The following G3BP2 variants were observed in gnomAD, a reference collection of about 807,000 sequenced individuals.
G3BP2 encodes the protein ras GTPase-activating protein-binding protein 2.
Under a neutral mutation model 56.7 loss-of-function variants are expected in G3BP2, and 11 were observed. The ratio of observed to expected loss-of-function variants is 0.19; its 90% CI spans 0.12 to 0.32. The LOEUF (loss-of-function observed/expected upper bound fraction) is 0.32. G3BP2 is among the 10% of genes least tolerant of loss of function. The pLI is 1.00. For missense variants in G3BP2, 340 were observed against 610.9 expected (o/e 0.56, Z 4.67); for synonymous variants, 165 against 191.6 (o/e 0.86, Z 1.15).
intron 7 of G3BP2, chr4:75,654,849 ATTCATCTTAAG>A (rs1427039110): frequency 1.9e-6 from 1 of 532,130 alleles, no homozygotes; most frequent in East Asian, 3.2e-5. Context: ...ACAGACAAGG[ATTCATCTTAAG>A]TTATAAGTTT....
At chr4:75,707,603 C>CA (rs34253273) in intron 3 of G3BP2, among the ~76,000 whole-genome samples, 41,385 of 116,612 alleles carry the variant, frequency 0.35, 7,825 homozygotes, top group African/African-American at 0.54. Flanking sequence ...GAGCGAGACT[C>CA]AAAAAAAAAA....
At chr4:75,695,696 C>T (rs1281631795) in intron 3 of G3BP2, among the ~76,000 whole-genome samples, 2 of 152,094 alleles carry the variant, frequency 1.3e-5, no homozygotes, top group Non-Finnish European at 2.9e-5. Flanking sequence ...CACCTGAGGC[C>T]AGGCATGGTG....
At chr4:75,666,894 G>A (rs1733082801) in intron 1 of G3BP2, among the ~76,000 whole-genome samples, 1 of 152,052 alleles carries the variant, frequency 6.6e-6, no homozygotes, top group African/African-American at 2.4e-5. Context: ...CTTATCCATG[G>A]CCATGAAAAA....
intron 3 of G3BP2, among the ~76,000 whole-genome samples, chr4:75,717,322 C>T (rs1719966882): frequency 1.3e-5 from 2 of 152,088 alleles, no homozygotes. Flanking sequence ...CACCTGTAGT[C>T]CCAGCTACGC....
At chr4:75,683,855 G>A (rs1718451812) in intron 3 of G3BP2, among the ~76,000 whole-genome samples, 1 of 152,126 alleles carries the variant, frequency 6.6e-6, no homozygotes, top group Admixed American at 6.5e-5. Flanking sequence ...CCATGTTTAT[G>A]GTGGTGACAT....
In G3BP2 at chr4:75,665,628, CACACACACACACACAAACACACAAACAA is replaced by C. The variant is rs1199037084; in HGVS notation, c.-24-3607_-24-3580del. ...ACACCTGTAGTCACAAACACACAAA[CACACACACACACACAAACACACAAACAA>C]ACACACACACACACACACACACACA... On this transcript the variant is annotated intron_variant, in intron 1 of 11. Transcript: ENST00000359707. Among the ~76,000 whole-genome samples, 10 of 5,320 alleles carry C rather than the reference CACACACACACACACAAACACACAAACAA, an allele frequency of 1.9e-3. No individual in the cohort carries two copies. The African/African-American group carries it at 0.022, about 12-fold the overall frequency. 3.5% of individuals were successfully genotyped at this position (5,320 alleles called of 152,430 possible). A position where few individuals can be genotyped will look rare whatever the true frequency, so the allele number is the denominator to read the frequency against.
intron 3 of G3BP2, among the ~76,000 whole-genome samples, chr4:75,678,736 A>G (rs1002531991): frequency 6.6e-6 from 1 of 152,164 alleles, no homozygotes; most frequent in African/African-American, 2.4e-5. Context: ...TAGGTATATC[A>G]CTATAGGCAG....
upstream of G3BP2, chr4:75,673,691 C>A: frequency 1.8e-6 from 2 of 1,131,182 alleles, no homozygotes; most frequent in East Asian, 3.2e-5. Context: ...CCAGCCTTGC[C>A]GCCCTTCTTC....
Position 75,673,355 on chromosome 4 carries a change from C to T in G3BP2, c.-172G>A. The T allele has an allele frequency of 1.6e-6, 2 of 1,231,696 alleles. No individual in the cohort carries two copies. Among genetic ancestry groups the T allele is most frequent in the Non-Finnish European group, 2.0e-6 (2 of 987,734 alleles). The allele number at this position is 1,231,696 out of a possible 1,614,324, so 76.3% of individuals were successfully genotyped here. On this transcript the variant is annotated 5_prime_UTR_variant, in exon 1 of 12. Coordinates refer to ENST00000359707, the MANE Select transcript of G3BP2 (RefSeq NM_203505.3). Reference sequence around the variant, plus strand: ...CGGAGAGCCGCGAGTTCGTCTGCCTCACAACCACCTCTTCCCGGGCGCCAG... The same window carrying T: ...CGGAGAGCCGCGAGTTCGTCTGCCTTACAACCACCTCTTCCCGGGCGCCAG...
chr4:75,715,117 T>A lies in G3BP2; in HGVS notation c.-25+5760A>T, dbSNP rs111476436. On this transcript the variant is annotated intron_variant, in intron 3 of 3. Coordinates refer to the G3BP2 transcript ENST00000499709. ...TCTGTATCATGCTGAAGTCTAGGCT[T>A]CTCTCTCTGTGAAACAGGAATAAGA... Among the ~76,000 whole-genome samples the A allele has an allele frequency of 7.2e-5, 11 of 152,282 alleles. 1 individual carries two copies. Among genetic ancestry groups the A allele is most frequent in the African/African-American group, 2.6e-4 (11 of 41,564 alleles).
chr4:75,689,699 T>C (rs1467534067), intron 3 of G3BP2, among the ~76,000 whole-genome samples: 1 of 152,222 alleles, frequency 6.6e-6, no homozygotes, highest in Admixed American at 6.5e-5. Flanking sequence ...CAATAAATCA[T>C]CTGAAGAATT....
chr4:75,657,831 T>C (rs1371167085), intron 3 of G3BP2, 101 bp from the exon 4 acceptor site: 6 of 715,886 alleles, frequency 8.4e-6, no homozygotes, highest in Middle Eastern at 7.4e-4. Context: ...CTCTGCAATA[T>C]TAACTAATCT....
At chr4:75,699,729 T>C (rs764219924) in intron 3 of G3BP2, among the ~76,000 whole-genome samples, 6 of 152,228 alleles carry the variant, frequency 3.9e-5, no homozygotes, top group Non-Finnish European at 7.3e-5. Flanking sequence ...TTTTCTCTTA[T>C]AGTTGTTGTT....
chr4:75,667,964 T>C (rs886626683), intron 1 of G3BP2, among the ~76,000 whole-genome samples: 6 of 152,242 alleles, frequency 3.9e-5, no homozygotes, highest in Non-Finnish European at 8.8e-5. Context: ...CTATCGCACC[T>C]AAAATCCCAG....
At chr4:75,672,118 G>C (rs893156354) in intron 1 of G3BP2, among the ~76,000 whole-genome samples, 3 of 152,158 alleles carry the variant, frequency 2.0e-5, no homozygotes, top group Admixed American at 2.0e-4. Context: ...CAATCATACA[G>C]GGAGAACAGG....
intron 3 of G3BP2, among the ~76,000 whole-genome samples, chr4:75,719,210 T>C (rs973511545): frequency 6.7e-6 from 1 of 150,128 alleles, no homozygotes; most frequent in Non-Finnish European, 1.5e-5. Flanking sequence ...TAGCCGGGCT[T>C]AGTGGCGGGC....
rs1236463614 is a variant in G3BP2 at position 75,655,804 on chromosome 4, T to C, written c.509A>G (p.Asn170Ser). Residue 170 changes from asparagine (N) to serine (S), a missense_variant, in exon 6 of 12, where the codon AAT becomes AGT. By Grantham distance (46) the Asn-to-Ser change is conservative. Around this residue, in one of 4 missense-constraint regions of G3BP2, gnomAD observed 224 missense variants for 332.5 expected, o/e 0.67. Coordinates refer to ENST00000359707, the MANE Select transcript of G3BP2 (RefSeq NM_203505.3). ...AGCTTCATAGTAACCACTGTTAGCA[T>C]TTTCTTGCACAGGTTCAGGAGATGG... The part of the protein sequence containing the change: ...RQPSPEPVQE[N>S]ANSGYYEAHP... The C allele has an allele frequency of 3.1e-6, 5 of 1,603,058 alleles. No individual in the cohort carries two copies. In the South Asian group the frequency reaches 4.4e-5, roughly 14 times the overall value.
chr4:75,688,084 G>C (rs1578430152), intron 3 of G3BP2, among the ~76,000 whole-genome samples: 1 of 152,094 alleles, frequency 6.6e-6, no homozygotes, highest in Non-Finnish European at 1.5e-5. Flanking sequence ...TCTCTCCCCT[G>C]TATGTAACCC....
At chr4:75,701,527 C>G (rs1248237593) in intron 3 of G3BP2, among the ~76,000 whole-genome samples, 3 of 152,074 alleles carry the variant, frequency 2.0e-5, no homozygotes, top group Non-Finnish European at 4.4e-5. Context: ...CTCCCAGGTT[C>G]AAGAGATTCT....
Sources: allele counts gnomAD v4.1 joint callset (sites outside exome capture counted in the v4.1 genomes callset), GRCh38; gene constraint gnomAD v4.1.1; regional missense constraint gnomAD v4.1.1; transcripts MANE v1.5; gene names NCBI Gene and HGNC (gene_info 2026-07-23, HGNC 2026-07-21).